IVD: variants seen among roughly 807,000 people sequenced by gnomAD.
IVD encodes the protein isovaleryl-CoA dehydrogenase.
A neutral mutation model predicts 51.3 loss-of-function variants in IVD; 31 were observed. That is an observed-to-expected ratio of 0.60 (90% CI 0.45 to 0.81). The LOEUF is 0.81. Ranked by LOEUF, IVD falls within the 40% of genes least tolerant of loss-of-function variation. IVD has a pLI of 0.00. For missense variants in IVD, 475 were observed against 552.0 expected (o/e 0.86, Z 1.40); for synonymous variants, 205 against 219.4 (o/e 0.93, Z 0.58).
At position 40,420,481 on chromosome 15, in the gene IVD, C is replaced by T. The variant is rs922853322; in HGVS notation, c.*2218C>T. On this transcript the variant is annotated 3_prime_UTR_variant, in exon 12 of 12. Transcript: ENST00000487418. ...GGGAGAAGCAATCTACTTGCCGCTGCTTCCTGTCTGGATCCAGCTTGTGTC... is the reference window on the plus strand; with the variant it reads ...GGGAGAAGCAATCTACTTGCCGCTGTTTCCTGTCTGGATCCAGCTTGTGTC... 2.0e-6 allele frequency: 2 copies of T among 987,554 alleles called. No homozygotes were observed. Among genetic ancestry groups the T allele is most frequent in the Admixed American group, 6.1e-5 (1 of 16,282 alleles). The allele number at this position is 987,554 out of a possible 1,614,324, so 61.2% of individuals were successfully genotyped here.
intron 11 of IVD, 21 bp from the exon 12 acceptor site, chr15:40,418,106 TCTC>T (rs777617212): frequency 6.2e-7 from 1 of 1,613,878 alleles, no homozygotes; most frequent in Admixed American, 1.7e-5. Context: ...CTTCCTTTCT[TCTC>T]TGCCCAAACC....
chr15:40,422,156 G>A (rs1026231462), downstream of IVD, among the ~76,000 whole-genome samples: 5 of 152,226 alleles, frequency 3.3e-5, no homozygotes, highest in African/African-American at 1.2e-4. Flanking sequence ...AGCCTATATG[G>A]CCTTTGCCTG....
chr15:40,410,423 C>T lies in IVD; in HGVS notation c.287-205C>T, dbSNP rs575366020. Among the ~76,000 whole-genome samples, 856 of 152,354 alleles carry T rather than the reference C, an allele frequency of 5.6e-3. 4 individuals carry two copies. The highest frequency in any genetic ancestry group is 8.1e-3 in the Non-Finnish European group (548 of 68,038). ...GCAATGATTGCCTTCTGAATCACCC[C>T]TCAGCTGAGGAGCACCAGCAGGCAA... On this transcript the variant is annotated intron_variant, in intron 3 of 11. Coordinates refer to ENST00000487418, the MANE Select transcript of IVD (RefSeq NM_002225.5).
rs1891941107 is a variant in IVD, at chr15:40,418,328, G to A, written c.*65G>A. 9.3e-6 allele frequency: 15 copies of A among 1,608,184 alleles called. No homozygotes were observed. Among genetic ancestry groups the A allele is most frequent in the Middle Eastern group, 2.0e-4 (1 of 5,038 alleles). On this transcript the variant is annotated 3_prime_UTR_variant, in exon 12 of 12. Transcript: ENST00000487418. ...CTTTCTTGGGAAGTAGAGATGTGGC[G>A]GCTTTCCCACCCTGCCCACAGCAGG... is the stretch of plus-strand genomic sequence containing the variant.
chr15:40,435,532 A>G, exon 9 of IVD: 1 of 1,217,348 alleles, frequency 8.2e-7, no homozygotes, highest in Non-Finnish European at 1.1e-6. Flanking sequence ...TCCTGCCTGA[A>G]CTCACACCCC....
chr15:40,415,582 C>T (rs1256962063), intron 9 of IVD, 100 bp downstream of exon 9: 11 of 999,522 alleles, frequency 1.1e-5, no homozygotes, highest in East Asian at 2.6e-5. Flanking sequence ...GTTACTGTCT[C>T]CTCTAGCAAA....
chr15:40,435,495 C>T (rs764817432), exon 9 of IVD: 150 of 1,256,294 alleles, frequency 1.2e-4, no homozygotes, highest in Non-Finnish European at 1.3e-4. Flanking sequence ...CAGGTGAGCA[C>T]TGCGAGGGAA....
intron 7 of IVD, among the ~76,000 whole-genome samples, chr15:40,413,969 T>C (rs1367437417): frequency 1.3e-5 from 2 of 152,152 alleles, no homozygotes; most frequent in African/African-American, 4.8e-5. Context: ...CAAGTGATTC[T>C]CCTGTCTCAG....
intron 4 of IVD, 103 bp downstream of exon 4, chr15:40,410,900 T>C: frequency 2.9e-6 from 4 of 1,402,478 alleles, no homozygotes; most frequent in Non-Finnish European, 4.0e-6. Context: ...TTCTGTAGCA[T>C]GCTGCCATGA....
intron 7 of IVD, among the ~76,000 whole-genome samples, chr15:40,429,520 C>G (rs1892854177): frequency 6.6e-6 from 1 of 152,214 alleles, no homozygotes; most frequent in East Asian, 1.9e-4. Context: ...CCACCTGTCT[C>G]TGGTTTGCTG....
At position 40,419,283 on chromosome 15, in the gene IVD, G is replaced by A; in HGVS notation, c.*1020G>A. On this transcript the variant is annotated 3_prime_UTR_variant, in exon 12 of 12. Transcript: ENST00000487418. ...CCCAGCACTTTGGGAGGCCAAGGCA[G>A]GTGGATCACTTGCAGTCAGGAGTTC... The A allele has an allele frequency of 1.6e-6, 2 of 1,226,560 alleles. No individual in the cohort carries two copies. The highest frequency in any genetic ancestry group is 2.1e-6 in the Non-Finnish European group (2 of 932,314). 76.0% of individuals were successfully genotyped at this position (1,226,560 alleles called of 1,614,324 possible).
At chr15:40,408,183 T>C (rs557035848) in intron 3 of IVD, among the ~76,000 whole-genome samples, 193 bp downstream of exon 3, 37 of 152,338 alleles carry the variant, frequency 2.4e-4, no homozygotes, top group Non-Finnish European at 4.6e-4. Flanking sequence ...GACAGTGATG[T>C]AGAGAAGGCA....
At chr15:40,415,961 C>A in intron 9 of IVD, 117 bp from the exon 10 acceptor site, 1 of 872,558 alleles carries the variant, frequency 1.1e-6, no homozygotes, top group Non-Finnish European at 1.9e-6. Flanking sequence ...TAAATCCCAT[C>A]TCCTCTCCAT....
chr15:40,422,914 A>C (rs1423707322), downstream of IVD, among the ~76,000 whole-genome samples: 2 of 149,998 alleles, frequency 1.3e-5, no homozygotes, highest in Non-Finnish European at 3.0e-5. Flanking sequence ...CAGGATTTTT[A>C]TTTGTTTGTT....
chr15:40,411,435 C>A, intron 5 of IVD, 82 bp downstream of exon 5: 2 of 1,592,530 alleles, frequency 1.3e-6, no homozygotes, highest in Non-Finnish European at 8.6e-7. Flanking sequence ...TTGTGGGTGG[C>A]CCCTGCTGGG....
rs1255135047 is a variant in IVD at position 40,416,357 on chromosome 15, GT to G, written c.1137del (p.Phe379LeufsTer24). ...ATQVALDGIQ[C>X]FGGNGYINDF... ...CAGGTAGCCCTGGACGGCATTCAGTGTTTTGGTGAGTGATCCCCACTTCCCA... is the reference window on the plus strand; with the variant it reads ...CAGGTAGCCCTGGACGGCATTCAGTGTTTGGTGAGTGATCCCCACTTCCCA... On this transcript the variant is annotated frameshift_variant, in exon 11 of 12. Coordinates refer to ENST00000487418, the MANE Select transcript of IVD (RefSeq NM_002225.5). LOFTEE classifies it high-confidence loss of function. 2 of 1,613,912 alleles carry G rather than the reference GT, an allele frequency of 1.2e-6. No homozygotes were observed. The highest frequency in any genetic ancestry group is 8.5e-7 in the Non-Finnish European group (1 of 1,179,990).
chr15:40,416,501 C>T lies in IVD; in HGVS notation c.1138+139C>T, dbSNP rs1464711956. The T allele has an allele frequency of 1.6e-5, 12 of 767,886 alleles. No homozygotes were observed. In the East Asian group the frequency reaches 2.5e-4, roughly 16 times the overall value. The allele number at this position is 767,886 out of a possible 1,614,324, so 47.6% of individuals were successfully genotyped here. ...TTGGGAGGCCGAGGTAGGCAGATCA[C>T]CTGAGGTCAGGAGTTCAAGACCAGC... On this transcript the variant is annotated intron_variant, in intron 11 of 11. Transcript: ENST00000487418.
chr15:40,413,665 T>A (rs903530552), intron 7 of IVD, among the ~76,000 whole-genome samples: 1 of 106,708 alleles, frequency 9.4e-6, no homozygotes, highest in Non-Finnish European at 1.9e-5. Context: ...TTGTTTGGGG[T>A]TTTTTTTTGT....
In IVD at chr15:40,414,968, C is replaced by G; in HGVS notation, c.864C>G (p.Ala288=). 1 of 1,613,882 alleles carries G rather than the reference C, an allele frequency of 6.2e-7. No homozygotes were observed. Among genetic ancestry groups the G allele is most frequent in the African/African-American group, 1.3e-5 (1 of 75,034 alleles). The part of the protein sequence containing the change: ...SGLDLERLVL[A]GGPLGLMQAV... ...TGGACCTGGAGCGGCTGGTGCTGGC[C>G]GGGGGGCCTCTTGGGTAAGTGTGAG... Residue 288 remains alanine (A), a synonymous_variant, in exon 8 of 12, where the codon GCC becomes GCG. Transcript: ENST00000487418.
Sources: gnomAD v4.1 joint callset for allele counts (sites outside exome capture counted in the v4.1 genomes callset) on GRCh38, gnomAD v4.1.1 for gene constraint, MANE v1.5 for transcripts, NCBI Gene and HGNC (gene_info 2026-07-23, HGNC 2026-07-21) for gene names.